Variants in SUSD4 observed in about 807,000 individuals in gnomAD.
The protein encoded by SUSD4 is sushi domain containing 4, also known as sushi domain-containing protein 4.
Under a neutral mutation model 50.5 loss-of-function variants are expected in SUSD4, and 41 were observed. That is an observed-to-expected ratio of 0.81 (90% CI 0.63 to 1.05). SUSD4 has a LOEUF of 1.05. SUSD4 is among the 50% of genes least tolerant of loss of function. SUSD4 has a pLI of 0.00. For missense variants in SUSD4, 580 were observed against 634.7 expected (o/e 0.91, Z 0.93); for synonymous variants, 257 against 257.3 (o/e 1.00, Z 0.01).
chr1:223,341,466 C>T (rs940268226), intron 2 of SUSD4, among the ~76,000 whole-genome samples: 1 of 148,084 alleles, frequency 6.8e-6, no homozygotes, highest in Admixed American at 6.7e-5. Context: ...CACCCCCTCT[C>T]TGTCCTCCCC....
chr1:223,252,284 G>C (rs182942301), intron 5 of SUSD4, among the ~76,000 whole-genome samples: 50 of 149,548 alleles, frequency 3.3e-4, no homozygotes, highest in Non-Finnish European at 6.2e-4. Context: ...CACACAGAGG[G>C]AAGACGGCCA....
chr1:223,254,195 C>G (rs944033864), intron 5 of SUSD4, among the ~76,000 whole-genome samples: 5 of 152,152 alleles, frequency 3.3e-5, no homozygotes, highest in Admixed American at 2.0e-4. Flanking sequence ...GAAATCCCAT[C>G]TCTGAATGGT....
At chr1:223,292,680 C>G in intron 2 of SUSD4, 29 bp from the exon 3 acceptor site, 1 of 1,609,374 alleles carries the variant, frequency 6.2e-7, no homozygotes. Context: ...GAAAAGGTGC[C>G]TATGAATATG....
chr1:223,227,630 A>T lies in SUSD4; in HGVS notation c.1025T>A (p.Met342Lys), dbSNP rs763788802. 1 of 1,613,972 alleles carries T rather than the reference A, an allele frequency of 6.2e-7. No homozygotes were observed. Among genetic ancestry groups the T allele is most frequent in the East Asian group, 2.2e-5 (1 of 44,850 alleles). The change falls in exon 7 of 9, where the codon ATG becomes AAG. Residue 342 changes from methionine (M) to lysine (K), a missense_variant. Met to Lys is a moderately conservative substitution (Grantham distance 95). Coordinates refer to ENST00000366878, the MANE Select transcript of SUSD4 (RefSeq NM_017982.4). This position sits in a 1 kb window ranked among gnomAD's most constrained non-coding sequence, Gnocchi z 4.5. ...GTGGGCCTTGAACTTGGTCTGGAAC[A>T]TCCTGGCCAGGATGACGAGCAGCAG... The part of the protein sequence containing the change: ...LVLLLVILAR[M>K]FQTKFKAHFP...
chr1:223,312,784 C>T (rs961243367), intron 2 of SUSD4, among the ~76,000 whole-genome samples: 2 of 152,212 alleles, frequency 1.3e-5, no homozygotes, highest in Admixed American at 6.5e-5. Flanking sequence ...TCTCTCTCTA[C>T]TCACAGTGTC....
chr1:223,285,506 A>G (rs141791107), intron 3 of SUSD4, among the ~76,000 whole-genome samples: 51 of 152,336 alleles, frequency 3.3e-4, no homozygotes, highest in African/African-American at 1.2e-3. Flanking sequence ...AAGCAACGAT[A>G]AGGTATGCAC....
At chr1:223,281,773 G>A (rs1423665831) in intron 3 of SUSD4, among the ~76,000 whole-genome samples, 1 of 152,112 alleles carries the variant, frequency 6.6e-6, no homozygotes, top group East Asian at 1.9e-4. Flanking sequence ...AAGCCTGGCA[G>A]AGACACAACA....
intron 5 of SUSD4, among the ~76,000 whole-genome samples, chr1:223,260,843 G>A (rs1048509516): frequency 4.6e-5 from 7 of 152,182 alleles, no homozygotes; most frequent in East Asian, 1.9e-4. Context: ...CTGCCAAAGC[G>A]TTTCCTTCCA....
intron 2 of SUSD4, chr1:223,359,121 C>G (rs1354374903): frequency 4.2e-6 from 2 of 471,002 alleles, no homozygotes; most frequent in South Asian, 3.1e-5. Context: ...GAGTCAGAGA[C>G]CTAGAAACAG....
At chr1:223,358,845 A>C (rs916920101) in intron 2 of SUSD4, 94 of 258,850 alleles carry the variant, frequency 3.6e-4, no homozygotes, top group Admixed American at 9.6e-4. Context: ...CTTACAGATT[A>C]AGCGCAGTTT....
intron 2 of SUSD4, among the ~76,000 whole-genome samples, chr1:223,330,054 T>G (rs1478633441): frequency 6.6e-6 from 1 of 152,134 alleles, no homozygotes; most frequent in Non-Finnish European, 1.5e-5. Context: ...AATAAGTGTA[T>G]AGATGGAAGG....
chr1:223,223,552 C>T lies in SUSD4; in HGVS notation c.1141G>A (p.Glu381Lys), dbSNP rs750308474. 1.9e-5 allele frequency: 30 copies of T among 1,613,310 alleles called. 1 individual carries two copies. The Middle Eastern group carries it at 4.9e-4, about 27-fold the overall frequency. ...GVPVMLPSYD[E>K]AVSGGLSALG... ...GCACTCAAGCCGCCACTCACAGCTT[C>T]GTCATAGGACGGGAGCATGACGGGC... Residue 381 changes from glutamate to lysine, a missense_variant, in exon 8 of 9, where the codon GAA (glutamate) becomes AAA (lysine). Glu to Lys is a moderately conservative substitution (Grantham distance 56). Coordinates refer to ENST00000366878, the MANE Select transcript of SUSD4 (RefSeq NM_017982.4).
At chr1:223,354,779 A>G (rs868332472) in intron 2 of SUSD4, among the ~76,000 whole-genome samples, 2 of 152,338 alleles carry the variant, frequency 1.3e-5, no homozygotes, top group African/African-American at 4.8e-5. Context: ...CAAAACAAGC[A>G]GATCCTATTG....
At chr1:223,289,645 G>C (rs1664358993) in intron 3 of SUSD4, among the ~76,000 whole-genome samples, 2 of 152,186 alleles carry the variant, frequency 1.3e-5, no homozygotes, top group Non-Finnish European at 2.9e-5. Context: ...CCCGGGGGCT[G>C]CAACAGGTCT....
chr1:223,261,485 G>T (rs1053060483), intron 5 of SUSD4, among the ~76,000 whole-genome samples: 29 of 152,154 alleles, frequency 1.9e-4, no homozygotes, highest in African/African-American at 6.8e-4. Flanking sequence ...GCTAAAGGGG[G>T]TCAATAGTAC....
intron 5 of SUSD4, among the ~76,000 whole-genome samples, chr1:223,245,379 T>C (rs142415870): frequency 7.4e-4 from 113 of 151,926 alleles, no homozygotes; most frequent in African/African-American, 2.6e-3. Flanking sequence ...GAATGCACGA[T>C]GCATAAAAAC....
At chr1:223,259,266 T>C (rs1022540482) in intron 5 of SUSD4, among the ~76,000 whole-genome samples, 6 of 152,230 alleles carry the variant, frequency 3.9e-5, no homozygotes, top group African/African-American at 1.2e-4. Context: ...CTAATCTCCC[T>C]AAATGTTTGA....
chr1:223,296,956 A>G (rs980291620), intron 2 of SUSD4, among the ~76,000 whole-genome samples: 1 of 152,208 alleles, frequency 6.6e-6, no homozygotes, highest in Non-Finnish European at 1.5e-5. Context: ...GTATGTCCTT[A>G]TAGCAGTGTG....
chr1:223,241,753 ATC>A (rs1206648115), intron 5 of SUSD4, among the ~76,000 whole-genome samples: 1 of 152,186 alleles, frequency 6.6e-6, no homozygotes, highest in Non-Finnish European at 1.5e-5. Context: ...GCCTCAGCCA[ATC>A]TCTGACTTAG....
Sources: allele counts gnomAD v4.1 joint callset (sites outside exome capture counted in the v4.1 genomes callset), GRCh38; gene constraint gnomAD v4.1.1; non-coding constraint Gnocchi (gnomAD v3.1); transcripts MANE v1.5; gene names NCBI Gene and HGNC (gene_info 2026-07-23, HGNC 2026-07-21).